Variants in DSCAM observed in about 807,000 individuals in gnomAD.
The protein encoded by DSCAM is cell adhesion molecule DSCAM.
A neutral mutation model predicts 217.7 loss-of-function variants in DSCAM; 47 were observed. The ratio of observed to expected loss-of-function variants is 0.22; its 90% CI spans 0.17 to 0.28. The LOEUF (loss-of-function observed/expected upper bound fraction) is 0.28, where lower values mean the gene tolerates loss of function less well. DSCAM is among the 10% of genes least tolerant of loss of function. The pLI is 1.00. For synonymous variants in DSCAM, 1,056 were observed against 1,015.3 expected (o/e 1.04, Z -0.76); for missense variants, 2,080 against 2,618.3 (o/e 0.79, Z 4.49).
rs2297266 is a variant in DSCAM at position 40,144,439 on chromosome 21, G to A, written c.3259+52C>T. 0.4 allele frequency: 635,108 copies of A among 1,604,344 alleles called. 127,481 individuals are homozygous for A. Among genetic ancestry groups the A allele is most frequent in the East Asian group, 0.55 (24,707 of 44,614 alleles). Reference sequence around the variant, plus strand: ...GTTGGGGGAGCCCCGGGGCAGACCCGAGGGAACCTTTGCGGAGGGAAAAGC... The same window carrying A: ...GTTGGGGGAGCCCCGGGGCAGACCCAAGGGAACCTTTGCGGAGGGAAAAGC... On this transcript the variant is annotated intron_variant, in intron 17 of 32. Coordinates refer to ENST00000400454, the MANE Select transcript of DSCAM (RefSeq NM_001389.5). The surrounding 1 kb of genome is among the most constrained non-coding windows in gnomAD (Gnocchi z 4.8).
In DSCAM at chr21:40,528,898, C is replaced by CTTTTTTTTTTTTTTTTTTTTTTTTT. The variant is rs911356584; in HGVS notation, c.509-159654_509-159653insAAAAAAAAAAAAAAAAAAAAAAAAA. ...TCTTTGGCAATGTCCAGGCTTTCCA[C>CTTTTTTTTTTTTTTTTTTTTTTTTT]TTTTTTTTTTTTTTTTTTTTTTTGA... On this transcript the variant is annotated intron_variant, in intron 3 of 32. Coordinates refer to ENST00000400454, the MANE Select transcript of DSCAM (RefSeq NM_001389.5). Among the ~76,000 whole-genome samples the CTTTTTTTTTTTTTTTTTTTTTTTTT allele has an allele frequency of 3.9e-4, 39 of 99,384 alleles. 4 individuals carry two copies. The highest frequency in any genetic ancestry group is 1.5e-3 in the African/African-American group (31 of 20,550). The allele number at this position is 99,384 out of a possible 152,430, so 65.2% of individuals were successfully genotyped here. A position where few individuals can be genotyped will look rare whatever the true frequency, so the allele number is the denominator to read the frequency against.
At chr21:40,360,822 A>G (rs573587952) in intron 4 of DSCAM, among the ~76,000 whole-genome samples, 22 of 152,292 alleles carry the variant, frequency 1.4e-4, no homozygotes, top group Non-Finnish European at 2.1e-4. Flanking sequence ...TCTTTTGGAT[A>G]TATTACTCAG....
intron 20 of DSCAM, among the ~76,000 whole-genome samples, chr21:40,096,816 G>A (rs1303010636): frequency 6.6e-6 from 1 of 152,070 alleles, no homozygotes; most frequent in Non-Finnish European, 1.5e-5. Flanking sequence ...GTTGTGTAAA[G>A]GGGAACAAAG....
chr21:40,255,927 G>A (rs534053864), intron 11 of DSCAM, among the ~76,000 whole-genome samples: 180 of 152,270 alleles, frequency 1.2e-3, no homozygotes, highest in African/African-American at 3.9e-3. Context: ...TGCTGCGGAC[G>A]CTCTGACTTT....
At chr21:40,720,250 A>T (rs968016981) in intron 1 of DSCAM, among the ~76,000 whole-genome samples, 5 of 152,226 alleles carry the variant, frequency 3.3e-5, no homozygotes, top group Non-Finnish European at 5.9e-5. Flanking sequence ...AGGTCTTCCA[A>T]AATGAAAGGG....
At chr21:40,773,684 T>C (rs570575367) in intron 1 of DSCAM, among the ~76,000 whole-genome samples, 26 of 152,208 alleles carry the variant, frequency 1.7e-4, no homozygotes, top group Non-Finnish European at 2.9e-4. Flanking sequence ...CACAGGCCCC[T>C]GATTTTCCCT....
At chr21:40,399,038 A>T (rs1483744261) in intron 3 of DSCAM, among the ~76,000 whole-genome samples, 1 of 152,216 alleles carries the variant, frequency 6.6e-6, no homozygotes, top group African/African-American at 2.4e-5. Flanking sequence ...TAGTAGGCTA[A>T]GGCAGGCAAG....
At chr21:40,134,672 G>C (rs542163026) in intron 18 of DSCAM, among the ~76,000 whole-genome samples, 3 of 152,194 alleles carry the variant, frequency 2.0e-5, no homozygotes, top group Non-Finnish European at 4.4e-5. Flanking sequence ...GCAACTATGT[G>C]AGATGGTGGA....
chr21:40,351,552 G>C (rs558256762), intron 5 of DSCAM, among the ~76,000 whole-genome samples: 1 of 152,276 alleles, frequency 6.6e-6, no homozygotes, highest in African/African-American at 2.4e-5. Context: ...CTAAGGAAAA[G>C]GGAAGAGCTT....
At chr21:40,343,792 A>G (rs180938944) in intron 6 of DSCAM, among the ~76,000 whole-genome samples, 1 of 149,888 alleles carries the variant, frequency 6.7e-6, no homozygotes, top group Non-Finnish European at 1.5e-5. Flanking sequence ...TACATCTATT[A>G]TATTTACTCT....
chr21:40,150,320 A>T (rs1253092611), intron 16 of DSCAM, among the ~76,000 whole-genome samples: 1 of 152,220 alleles, frequency 6.6e-6, no homozygotes, highest in African/African-American at 2.4e-5. Flanking sequence ...TCAGAGGAAA[A>T]TTTAATAGAT....
intron 3 of DSCAM, among the ~76,000 whole-genome samples, chr21:40,394,681 G>A (rs2075162844): frequency 6.6e-6 from 1 of 152,128 alleles, no homozygotes; most frequent in Admixed American, 6.5e-5. Context: ...TTCCTAGCAG[G>A]GCCAAGCTAT....
intron 3 of DSCAM, among the ~76,000 whole-genome samples, chr21:40,386,508 A>G (rs1205711345): frequency 6.6e-6 from 1 of 152,158 alleles, no homozygotes; most frequent in Non-Finnish European, 1.5e-5. Context: ...TGCTGGTCAG[A>G]CCGAGGCCCC....
intron 2 of DSCAM, among the ~76,000 whole-genome samples, chr21:40,693,720 T>C (rs368644672): frequency 6.6e-6 from 1 of 152,326 alleles, no homozygotes. Flanking sequence ...CAAAGCAGTT[T>C]GGGAAACACT....
chr21:40,266,161 CAG>C (rs993179450), intron 11 of DSCAM, among the ~76,000 whole-genome samples: 1 of 152,034 alleles, frequency 6.6e-6, no homozygotes, highest in African/African-American at 2.4e-5. Flanking sequence ...CAAGAAAAAA[CAG>C]ATAATCCCAT....
At chr21:40,032,958 A>ACAAAGCC (rs1338252755) in intron 32 of DSCAM, among the ~76,000 whole-genome samples, 1 of 152,204 alleles carries the variant, frequency 6.6e-6, no homozygotes, top group Non-Finnish European at 1.5e-5. Flanking sequence ...CCTCCAACTA[A>ACAAAGCC]CAAAGCATTG....
chr21:40,038,936 A>C (rs1183835273), intron 32 of DSCAM, among the ~76,000 whole-genome samples: 1 of 149,168 alleles, frequency 6.7e-6, no homozygotes, highest in African/African-American at 2.5e-5. Flanking sequence ...CAAACGCCGC[A>C]TATTCTCACT....
intron 1 of DSCAM, among the ~76,000 whole-genome samples, chr21:40,835,504 C>T (rs1256106017): frequency 2.0e-5 from 3 of 152,112 alleles, no homozygotes; most frequent in Admixed American, 6.5e-5. Context: ...GATGAGTAAG[C>T]AGAATTCACA....
chr21:40,013,446 T>C, intron 32 of DSCAM, 60 bp from the exon 33 acceptor site: 2 of 1,310,796 alleles, frequency 1.5e-6, no homozygotes, highest in South Asian at 3.1e-5. Flanking sequence ...GGGCAGAATG[T>C]CCTGTGTGCA....
Sources: allele counts gnomAD v4.1 joint callset (sites outside exome capture counted in the v4.1 genomes callset), GRCh38; gene constraint gnomAD v4.1.1; non-coding constraint Gnocchi (gnomAD v3.1); transcripts MANE v1.5; gene names NCBI Gene and HGNC (gene_info 2026-07-23, HGNC 2026-07-21).